MMP26: variants seen among roughly 807,000 people sequenced by gnomAD.
MMP26 encodes matrix metalloproteinase-26.
Under a neutral mutation model 31.0 loss-of-function variants are expected in MMP26, and 33 were observed. The ratio of observed to expected loss-of-function variants is 1.06; its 90% CI spans 0.81 to 1.42. The LOEUF is 1.42. Among genes scored for constraint, MMP26 ranks in the 40% most tolerant of loss-of-function variants. The pLI, the probability that MMP26 is intolerant of heterozygous loss-of-function variation, is 0.00. For synonymous variants in MMP26, 122 were observed against 114.9 expected (o/e 1.06, Z -0.40); for missense variants, 347 against 316.1 (o/e 1.10, Z -0.74).
intron 2 of MMP26, among the ~76,000 whole-genome samples, chr11:4,974,781 G>A (rs998046523): frequency 5.9e-5 from 9 of 152,054 alleles, no homozygotes; most frequent in Admixed American, 5.9e-4. Flanking sequence ...AGCCATAAAA[G>A]GAACGACATC....
At chr11:4,732,541 C>CAAAAAAAA (rs56079183) in intron 1 of MMP26, among the ~76,000 whole-genome samples, 1 of 94,672 alleles carries the variant, frequency 1.1e-5, no homozygotes, top group African/African-American at 3.7e-5. Flanking sequence ...AGACTCGTCT[C>CAAAAAAAA]AAAAAAAAAA....
chr11:4,915,340 G>A (rs184375832), intron 2 of MMP26: 346 of 1,613,972 alleles, frequency 2.1e-4, no homozygotes, highest in Non-Finnish European at 1.4e-5. Context: ...AGCAGTGAAT[G>A]AAAAAGAGCT....
chr11:4,828,831 A>G (rs1304540612), intron 2 of MMP26, among the ~76,000 whole-genome samples: 1 of 152,150 alleles, frequency 6.6e-6, no homozygotes, highest in African/African-American at 2.4e-5. Flanking sequence ...GTAGGCCTTC[A>G]TGGTTATTTT....
chr11:4,805,446 C>T (rs369547579), intron 2 of MMP26, among the ~76,000 whole-genome samples: 1 of 152,178 alleles, frequency 6.6e-6, no homozygotes. Context: ...CCATAGTCAA[C>T]ACATAAATGT....
intron 1 of MMP26, among the ~76,000 whole-genome samples, chr11:4,743,254 C>T (rs73390876): frequency 0.045 from 6,851 of 152,158 alleles, 496 homozygotes; most frequent in African/African-American, 0.16. Context: ...AAACACTTGA[C>T]ACTTGATAGG....
chr11:4,889,934 A>G (rs1850594548), intron 2 of MMP26: 1 of 156,836 alleles, frequency 6.4e-6, no homozygotes. Flanking sequence ...GAGGGCAAGA[A>G]AGAAACCATA....
Position 4,831,192 on chromosome 11 carries a change from T to C in MMP26, c.-145+63851T>C, listed in dbSNP as rs79334507. On this transcript the variant is annotated intron_variant, in intron 2 of 7. Coordinates refer to ENST00000380390, the MANE Select transcript of MMP26 (RefSeq NM_021801.5). ...TCCTCTTTATCTACACTTGCCAAGA[T>C]GTGCTCAGAGACTTTCCATGAAAGG... Among the ~76,000 whole-genome samples, 543 of 152,322 alleles carry C rather than the reference T, an allele frequency of 3.6e-3. 4 individuals are homozygous for C. Among genetic ancestry groups the C allele is most frequent in the African/African-American group, 0.01 (432 of 41,578 alleles).
intron 1 of MMP26, among the ~76,000 whole-genome samples, chr11:4,729,095 A>T (rs999805702): frequency 5.3e-5 from 8 of 151,792 alleles, no homozygotes; most frequent in African/African-American, 1.9e-4. Flanking sequence ...GACTAAAAAA[A>T]TTAAATATTT....
chr11:4,922,621 G>A lies in MMP26; in HGVS notation c.-144-65447G>A, dbSNP rs190002856. On this transcript the variant is annotated intron_variant, in intron 2 of 7. Coordinates refer to ENST00000380390, the MANE Select transcript of MMP26 (RefSeq NM_021801.5). ...GGCTAGATACAGAGATGAGAGAAAC[G>A]TCTTACAAATAAGCACAAAATAACA... 9.9e-5 allele frequency among the ~76,000 whole-genome samples: 15 copies of A among 152,234 alleles called. No homozygotes were observed. The East Asian group carries it at 1.5e-3, about 16-fold the overall frequency.
In MMP26 at chr11:4,719,309, C is replaced by A. The variant is rs139586069; in HGVS notation, c.-217+14264C>A. The A allele has an allele frequency of 4.2e-3, 652 of 153,508 alleles. 1 individual carries two copies. Among genetic ancestry groups the A allele is most frequent in the Non-Finnish European group, 6.7e-3 (459 of 68,236 alleles). The allele number at this position is 153,508 out of a possible 1,614,324, so 9.5% of individuals were successfully genotyped here. On this transcript the variant is annotated intron_variant, in intron 1 of 7. Coordinates refer to ENST00000380390, the MANE Select transcript of MMP26 (RefSeq NM_021801.5). ...AAGACTGTTCTCAGCATTGCTTCCC[C>A]GGAAGAAAGGAAGAAAGCCTTCAGC...
At chr11:4,843,675 G>T (rs1849827610) in intron 2 of MMP26, among the ~76,000 whole-genome samples, 1 of 152,234 alleles carries the variant, frequency 6.6e-6, no homozygotes, top group Non-Finnish European at 1.5e-5. Context: ...AAATACCTGG[G>T]AGACATTTTC....
intron 2 of MMP26, among the ~76,000 whole-genome samples, chr11:4,986,905 T>TCCTCTC (rs1846899080): frequency 2.1e-5 from 1 of 48,646 alleles, no homozygotes; most frequent in Non-Finnish European, 3.9e-5. Context: ...CTTCCTTCCT[T>TCCTCTC]TCTCTCTCTC....
chr11:4,872,501 C>A (rs374160463), intron 2 of MMP26, among the ~76,000 whole-genome samples: 6 of 151,970 alleles, frequency 3.9e-5, no homozygotes, highest in Admixed American at 1.3e-4. Flanking sequence ...CCCCCTCCCC[C>A]ACTCACCCCT....
intron 1 of MMP26, among the ~76,000 whole-genome samples, chr11:4,715,597 G>A (rs185467755): frequency 3.2e-4 from 48 of 152,308 alleles, no homozygotes; most frequent in African/African-American, 1.1e-3. Context: ...CCCAGGTGGA[G>A]TATATAAAAA....
intron 2 of MMP26, among the ~76,000 whole-genome samples, chr11:4,827,165 C>T (rs1849588107): frequency 6.6e-6 from 1 of 152,080 alleles, no homozygotes; most frequent in South Asian, 2.1e-4. Context: ...GAAAATGAGG[C>T]TAAAAGATTT....
At chr11:4,847,064 G>A (rs1236047322) in intron 2 of MMP26, among the ~76,000 whole-genome samples, 2 of 152,136 alleles carry the variant, frequency 1.3e-5, no homozygotes, top group Non-Finnish European at 2.9e-5. Flanking sequence ...CAGATTCAAG[G>A]GGAATTACCT....
chr11:4,907,788 G>A (rs778988096), intron 2 of MMP26: 15 of 1,613,774 alleles, frequency 9.3e-6, no homozygotes, highest in Admixed American at 6.7e-5. Flanking sequence ...ACTAGCAACA[G>A]GGTTGCTAAA....
chr11:4,992,069 A>G lies in MMP26; in HGVS notation c.701A>G (p.Asp234Gly). ...SIMYPTYWYH[D>G]PRTFQLSADD... ...ATGTACCCCACTTACTGGTATCACG[A>G]CCCTAGAACCTTCCAGCTCAGTGCC... Residue 234 changes from aspartate (D) to glycine (G), a missense_variant, in exon 7 of 8, where the codon GAC becomes GGC. Transcript: ENST00000380390. The G allele has an allele frequency of 6.2e-7, 1 of 1,613,700 alleles. No individual in the cohort carries two copies. The highest frequency in any genetic ancestry group is 8.5e-7 in the Non-Finnish European group (1 of 1,179,910).
chr11:4,903,115 AATT>A (rs1452409612), intron 2 of MMP26, among the ~76,000 whole-genome samples: 1 of 152,060 alleles, frequency 6.6e-6, no homozygotes, highest in African/African-American at 2.4e-5. Flanking sequence ...AGCCTTAAAT[AATT>A]ATTATTTAAT....
Sources: gnomAD v4.1 joint callset for allele counts (sites outside exome capture counted in the v4.1 genomes callset) on GRCh38, gnomAD v4.1.1 for gene constraint, MANE v1.5 for transcripts, NCBI Gene and HGNC (gene_info 2026-07-23, HGNC 2026-07-21) for gene names.